Variants in CALN1 observed in about 807,000 individuals in gnomAD.
CALN1 encodes calneuron 1.
A neutral mutation model predicts 30.6 loss-of-function variants in CALN1; 17 were observed. The observed-to-expected ratio is 0.56, with a 90% confidence interval of 0.38 to 0.83. The LOEUF is 0.83. Ranked by LOEUF, CALN1 falls within the 40% of genes least tolerant of loss-of-function variation. The probability of loss-of-function intolerance (pLI) is 0.00; values close to 1 mark genes in which losing one functional copy is unlikely to be tolerated. For missense variants in CALN1, 291 were observed against 354.9 expected, an observed-to-expected ratio of 0.82 and a Z score of 1.45; for synonymous variants, 156 against 131.4, an observed-to-expected ratio of 1.19 and a Z score of -1.28.
At chr7:71,917,011 C>T (rs959457479) in intron 5 of CALN1, among the ~76,000 whole-genome samples, 3 of 152,086 alleles carry the variant, frequency 2.0e-5, no homozygotes. Context: ...TTATAGCTCA[C>T]AGAGAAGACA....
At chr7:72,048,133 A>T (rs1478568928) in intron 4 of CALN1, among the ~76,000 whole-genome samples, 1 of 146,972 alleles carries the variant, frequency 6.8e-6, no homozygotes, top group Non-Finnish European at 1.5e-5. Flanking sequence ...TCCGCCTCCC[A>T]GGTTCAAGCG....
intron 2 of CALN1, among the ~76,000 whole-genome samples, chr7:72,390,452 T>C (rs551342660): frequency 1.1e-4 from 17 of 152,014 alleles, no homozygotes; most frequent in African/African-American, 4.1e-4. Flanking sequence ...ATTAAAAAAA[T>C]AAATGAGAGA....
chr7:72,436,278 C>T (rs1389904914), intron 1 of CALN1, among the ~76,000 whole-genome samples: 36 of 152,270 alleles, frequency 2.4e-4, no homozygotes, highest in Non-Finnish European at 2.9e-5. Flanking sequence ...TGATTTCCCC[C>T]ATTCTGTTCT....
At chr7:71,959,959 C>T (rs1356224743) in intron 5 of CALN1, among the ~76,000 whole-genome samples, 1 of 151,762 alleles carries the variant, frequency 6.6e-6, no homozygotes, top group Non-Finnish European at 1.5e-5. Flanking sequence ...CATGGTGAAA[C>T]CCCATCTCTA....
In CALN1 at chr7:71,868,427, G is replaced by A. The variant is rs375745547; in HGVS notation, c.502-57935C>T. Reference sequence around the variant, plus strand: ...TGCTCTGTCACCCAGGCTGGAGTGCGGTGGCACTATCTCGGCCCACTGCAA... The same window carrying A: ...TGCTCTGTCACCCAGGCTGGAGTGCAGTGGCACTATCTCGGCCCACTGCAA... On this transcript the variant is annotated intron_variant, in intron 5 of 6. Coordinates refer to ENST00000395275, the MANE Select transcript of CALN1 (RefSeq NM_031468.4). 1.3e-4 allele frequency among the ~76,000 whole-genome samples: 20 copies of A among 150,160 alleles called. No individual in the cohort carries two copies. In the East Asian group the frequency reaches 2.3e-3, roughly 18 times the overall value.
At chr7:72,471,199 T>C in the CALN1 span, among the ~76,000 whole-genome samples, 3 of 152,168 alleles carry the variant, frequency 2.0e-5, no homozygotes, top group Non-Finnish European at 4.4e-5. Context: ...CCAGCATTTC[T>C]ATTAAAGGAA....
At chr7:71,994,291 C>A (rs879591905) in intron 5 of CALN1, among the ~76,000 whole-genome samples, 1 of 152,120 alleles carries the variant, frequency 6.6e-6, no homozygotes, top group Non-Finnish European at 1.5e-5. Context: ...GCAGGCGGAT[C>A]ACCTGAGGTC....
intron 3 of CALN1, among the ~76,000 whole-genome samples, chr7:72,242,097 C>T (rs1395495540): frequency 1.3e-5 from 2 of 152,174 alleles, no homozygotes; most frequent in Non-Finnish European, 2.9e-5. Context: ...TTTAGCTATT[C>T]TAGGGACCTC....
At chr7:72,424,215 G>T (rs1307167852) in intron 1 of CALN1, among the ~76,000 whole-genome samples, 1 of 152,060 alleles carries the variant, frequency 6.6e-6, no homozygotes, top group African/African-American at 2.4e-5. Flanking sequence ...TCTCAATGGA[G>T]CCCCCTTGTT....
At chr7:72,041,499 T>C (rs1288669264) in intron 4 of CALN1, among the ~76,000 whole-genome samples, 1 of 152,166 alleles carries the variant, frequency 6.6e-6, no homozygotes, top group East Asian at 1.9e-4. Context: ...TTCTCCTGCC[T>C]CAGCCTCCCA....
chr7:72,246,590 T>C (rs1407650627), intron 3 of CALN1, among the ~76,000 whole-genome samples: 1 of 151,662 alleles, frequency 6.6e-6, no homozygotes, highest in African/African-American at 2.4e-5. Flanking sequence ...GCTAAGAAAG[T>C]GATGAAAAAA....
At chr7:72,177,703 T>G (rs528868501) in intron 3 of CALN1, among the ~76,000 whole-genome samples, 1 of 143,804 alleles carries the variant, frequency 7.0e-6, no homozygotes, top group Non-Finnish European at 1.5e-5. Context: ...AGGCAGAAGC[T>G]GCAGTGAGCT....
chr7:71,972,937 G>C (rs942704829), intron 5 of CALN1, among the ~76,000 whole-genome samples: 1 of 152,126 alleles, frequency 6.6e-6, no homozygotes, highest in African/African-American at 2.4e-5. Flanking sequence ...CTCATGAAAA[G>C]AGGGACAGTT....
upstream of CALN1, among the ~76,000 whole-genome samples, chr7:72,448,770 T>A (rs1808598647): frequency 6.6e-6 from 1 of 151,978 alleles, no homozygotes; most frequent in Admixed American, 6.6e-5. Context: ...CATGCCCGGA[T>A]AATTTTTTGT....
intron 3 of CALN1, among the ~76,000 whole-genome samples, chr7:72,187,787 AC>A (rs1790309768): frequency 6.6e-6 from 1 of 152,008 alleles, no homozygotes; most frequent in African/African-American, 2.4e-5. Context: ...AAGTCATATC[AC>A]CTTACTGGCT....
chr7:72,364,337 G>T (rs1319417090), intron 2 of CALN1, among the ~76,000 whole-genome samples: 1 of 152,100 alleles, frequency 6.6e-6, no homozygotes, highest in Non-Finnish European at 1.5e-5. Context: ...TAATTAATGG[G>T]GAAGAACTAG....
At chr7:72,367,656 G>C (rs1025284972) in intron 2 of CALN1, among the ~76,000 whole-genome samples, 1 of 151,964 alleles carries the variant, frequency 6.6e-6, no homozygotes, top group African/African-American at 2.4e-5. Context: ...AAATTAGCCA[G>C]GTCTCTACAA....
At chr7:72,198,754 C>T (rs528716397) in intron 3 of CALN1, among the ~76,000 whole-genome samples, 4 of 152,308 alleles carry the variant, frequency 2.6e-5, no homozygotes, top group Non-Finnish European at 4.4e-5. Context: ...TGTCACTTTG[C>T]ACACTATATG....
intron 3 of CALN1, among the ~76,000 whole-genome samples, chr7:72,166,920 C>A (rs376141683): frequency 6.6e-6 from 1 of 151,854 alleles, no homozygotes; most frequent in Non-Finnish European, 1.5e-5. Context: ...GTGGCATGCA[C>A]CTATAGTCTC....
Sources: allele counts gnomAD v4.1 joint callset (sites outside exome capture counted in the v4.1 genomes callset), GRCh38; gene constraint gnomAD v4.1.1; transcripts MANE v1.5; gene names NCBI Gene and HGNC (gene_info 2026-07-23, HGNC 2026-07-21).